The following LRRC7 variants were observed in gnomAD, a reference collection of about 807,000 sequenced individuals.
The protein encoded by LRRC7 is leucine rich repeat containing 7, also known as leucine-rich repeat-containing protein 7.
LRRC7 carries 23 observed loss-of-function variants against 175.7 expected under a neutral mutation model. That is an observed-to-expected ratio of 0.13 (90% confidence interval 0.09 to 0.19). LRRC7 has a LOEUF of 0.19. LRRC7 is among the 10% of genes least tolerant of loss of function. The pLI, the probability that LRRC7 is intolerant of heterozygous loss-of-function variation, is 1.00. For missense variants in LRRC7, 1,354 were observed against 1,904.7 expected (o/e 0.71, Z 5.38); for synonymous variants, 685 against 680.9 (o/e 1.01, Z -0.09).
chr1:69,969,762 T>C (rs1352561350), intron 8 of LRRC7, among the ~76,000 whole-genome samples: 1 of 152,066 alleles, frequency 6.6e-6, no homozygotes, highest in Non-Finnish European at 1.5e-5. Flanking sequence ...ATTTAAACTA[T>C]ACCCCAGAAC....
chr1:69,718,138 G>GAA (rs772161376), intron 2 of LRRC7, among the ~76,000 whole-genome samples: 1,548 of 40,800 alleles, frequency 0.038, 45 homozygotes, highest in African/African-American at 0.065. Context: ...AAGAAAGAAA[G>GAA]AGAGAGAAAG....
In LRRC7 at chr1:70,126,838, G is replaced by A. The variant is rs566879243; in HGVS notation, c.*4951G>A. 6.6e-6 allele frequency among the ~76,000 whole-genome samples: 1 copy of A among 152,252 alleles called. No homozygotes were observed. The highest frequency in any genetic ancestry group is 2.1e-4 in the South Asian group (1 of 4,812). On this transcript the variant is annotated 3_prime_UTR_variant, in exon 27 of 27. Transcript: ENST00000651989. ...CCAGTCATATCCTGAACCTTCTGGG[G>A]GCATTTCTGTTTCTAGCGTGTAAAA... is the stretch of plus-strand genomic sequence containing the variant.
At chr1:69,681,691 A>G (rs968378843) in intron 2 of LRRC7, among the ~76,000 whole-genome samples, 2 of 152,078 alleles carry the variant, frequency 1.3e-5, no homozygotes, top group African/African-American at 4.8e-5. Flanking sequence ...CTACAGCCCT[A>G]CACTCTTGTT....
At chr1:70,047,232 A>C (rs1038758239) in intron 22 of LRRC7, among the ~76,000 whole-genome samples, 1 of 152,186 alleles carries the variant, frequency 6.6e-6, no homozygotes, top group African/African-American at 2.4e-5. Context: ...TCATAAAATT[A>C]TTGAATGATA....
intron 7 of LRRC7, among the ~76,000 whole-genome samples, chr1:69,846,060 C>T (rs1231260515): frequency 2.6e-5 from 4 of 152,008 alleles, no homozygotes; most frequent in African/African-American, 9.7e-5. Context: ...ATTTTCTTTA[C>T]TTCTTCTCAC....
intron 8 of LRRC7, among the ~76,000 whole-genome samples, chr1:69,955,235 A>G (rs1650371849): frequency 6.6e-6 from 1 of 152,076 alleles, no homozygotes; most frequent in Non-Finnish European, 1.5e-5. Flanking sequence ...CAGTGAGTTC[A>G]TAGTCTAGTG....
chr1:69,869,080 C>A (rs1202544583), intron 7 of LRRC7, among the ~76,000 whole-genome samples: 1 of 151,922 alleles, frequency 6.6e-6, no homozygotes, highest in African/African-American at 2.4e-5. Flanking sequence ...GAAATTTCAA[C>A]CTATGAATTT....
Position 70,023,217 on chromosome 1 carries a change from C to T in LRRC7, c.1637C>T (p.Ala546Val), listed in dbSNP as rs1657702792. ...RLSGDCCTPW[A>V]RCDQQIQDMP... ...TCTGGCGATTGCTGCACACCATGGG[C>T]CAGGTGTGATCAGCAGATCCAAGAT... is the stretch of plus-strand genomic sequence containing the variant. Residue 546 changes from alanine (A) to valine (V), a missense_variant, in exon 17 of 27, where the codon GCC becomes GTC. Ala to Val is a moderately conservative substitution (Grantham distance 64). Transcript: ENST00000651989. 3 of 1,611,140 alleles carry T rather than the reference C, an allele frequency of 1.9e-6. No individual in the cohort carries two copies. The highest frequency in any genetic ancestry group is 2.5e-6 in the Non-Finnish European group (3 of 1,178,342).
At chr1:69,930,827 T>G (rs544001169) in intron 7 of LRRC7, among the ~76,000 whole-genome samples, 65 of 151,504 alleles carry the variant, frequency 4.3e-4, no homozygotes, top group African/African-American at 1.5e-3. Flanking sequence ...TGTCAAACAC[T>G]TATAAAACCT....
intron 2 of LRRC7, among the ~76,000 whole-genome samples, chr1:69,750,959 T>C (rs1246365057): frequency 6.6e-6 from 1 of 152,174 alleles, no homozygotes; most frequent in Non-Finnish European, 1.5e-5. Flanking sequence ...TGCTAATGCA[T>C]ATGGGATTAT....
intron 7 of LRRC7, among the ~76,000 whole-genome samples, chr1:69,911,298 C>T (rs1454486887): frequency 6.6e-6 from 1 of 152,216 alleles, no homozygotes; most frequent in Non-Finnish European, 1.5e-5. Context: ...ATCACTCACG[C>T]TGGGAGCTGT....
chr1:69,736,055 ACATTAGCAT>A (rs1488415510), intron 2 of LRRC7, among the ~76,000 whole-genome samples: 2 of 152,168 alleles, frequency 1.3e-5, no homozygotes, highest in East Asian at 3.8e-4. Context: ...ACATTTAGTA[ACATTAGCAT>A]TGTTCCATTT....
At chr1:70,009,799 G>C (rs932584388) in intron 11 of LRRC7, among the ~76,000 whole-genome samples, 9 of 152,218 alleles carry the variant, frequency 5.9e-5, no homozygotes, top group Non-Finnish European at 1.3e-4. Context: ...CTAATCAGCT[G>C]AATCTGTTAA....
At chr1:70,050,130 A>G (rs1183874738) in intron 22 of LRRC7, among the ~76,000 whole-genome samples, 2 of 152,122 alleles carry the variant, frequency 1.3e-5, no homozygotes, top group Non-Finnish European at 2.9e-5. Flanking sequence ...TATACATAAG[A>G]ACACACATGC....
intron 2 of LRRC7, among the ~76,000 whole-genome samples, chr1:69,717,280 T>C (rs1027591793): frequency 1.3e-5 from 2 of 151,726 alleles, no homozygotes; most frequent in African/African-American, 4.8e-5. Flanking sequence ...TGTGTAAAAT[T>C]GTGTTTCAAT....
rs774038757 is a variant in LRRC7, at chr1:69,825,776, G to C, written c.450G>C (p.Lys150Asn). 3 of 1,605,828 alleles carry C rather than the reference G, an allele frequency of 1.9e-6. No homozygotes were observed. The highest frequency in any genetic ancestry group is 8.5e-7 in the Non-Finnish European group (1 of 1,175,466). The part of the protein sequence containing the change: ...NGVQEFPENI[K>N]CCKCLTIIEA... ...TACAAGAATTTCCAGAAAACATAAA[G>C]TGCTGTAAGTGTTTAACAATTATTG... Residue 150 changes from lysine to asparagine, a missense_variant, in exon 5 of 27, where the codon AAG becomes AAC. Physicochemically the swap from Lys to Asn is moderately conservative, Grantham distance 94 (BLOSUM62 0). This residue lies in a region of LRRC7 where 201 missense variants were observed against 481.4 expected (regional missense o/e 0.42). Coordinates refer to ENST00000651989, the MANE Select transcript of LRRC7 (RefSeq NM_001370785.2).
intron 8 of LRRC7, 38 bp downstream of exon 8, chr1:69,931,608 T>A (rs761171286): frequency 6.7e-7 from 1 of 1,494,492 alleles, no homozygotes; most frequent in South Asian, 1.1e-5. Context: ...TAAATACCCT[T>A]CAGGAGATTC....
chr1:69,781,913 GAAGAAAGAAAGA>G (rs760972258), intron 3 of LRRC7, among the ~76,000 whole-genome samples: 10 of 68,032 alleles, frequency 1.5e-4, no homozygotes, highest in East Asian at 6.1e-4. Context: ...GAAAGAAAAA[GAAGAAAGAAAGA>G]AAGAAAGAAA....
intron 11 of LRRC7, among the ~76,000 whole-genome samples, chr1:70,010,527 T>G (rs189259363): frequency 6.6e-6 from 1 of 152,196 alleles, no homozygotes; most frequent in East Asian, 1.9e-4. Flanking sequence ...TTTGTGCCAC[T>G]GCACTCCAGC....
Sources: gnomAD v4.1 joint callset for allele counts (sites outside exome capture counted in the v4.1 genomes callset) on GRCh38, gnomAD v4.1.1 for gene constraint, gnomAD v4.1.1 regional missense constraint, MANE v1.5 for transcripts, NCBI Gene and HGNC (gene_info 2026-07-23, HGNC 2026-07-21) for gene names.